LRRC4C: variants seen among roughly 807,000 people sequenced by gnomAD.
LRRC4C encodes leucine-rich repeat-containing protein 4C.
LRRC4C carries 5 observed loss-of-function variants against 33.6 expected under a neutral mutation model. The ratio of observed to expected loss-of-function variants is 0.15; its 90% CI spans 0.08 to 0.31. The LOEUF (loss-of-function observed/expected upper bound fraction) is 0.31. Among genes scored for constraint, LRRC4C ranks in the 10% least tolerant of loss-of-function variants. The pLI, the probability that LRRC4C is intolerant of heterozygous loss-of-function variation, is 1.00. For synonymous variants in LRRC4C, 329 were observed against 302.0 expected, an observed-to-expected ratio of 1.09 and a Z score of -0.93; for missense variants, 560 against 796.7, an observed-to-expected ratio of 0.70 and a Z score of 3.58.
intron 1 of LRRC4C, among the ~76,000 whole-genome samples, chr11:41,226,246 C>T (rs756655221): frequency 6.6e-5 from 10 of 151,908 alleles, no homozygotes; most frequent in Non-Finnish European, 1.3e-4. Flanking sequence ...ATTTGAAGTA[C>T]CAAACAATGA....
Position 41,259,871 on chromosome 11 carries a change from CTG to C in LRRC4C, c.-496+199558_-496+199559del, listed in dbSNP as rs58720169. On this transcript the variant is annotated intron_variant, in intron 1 of 6. Coordinates refer to ENST00000528697, the MANE Select transcript of LRRC4C (RefSeq NM_001258419.2). Reference sequence around the variant, plus strand: ...AAGAAAATATATGCATTTTAAAAGACTGTTAGTTAATTATAAGCCAATAGACC... The same window carrying C: ...AAGAAAATATATGCATTTTAAAAGACTTAGTTAATTATAAGCCAATAGACC... 3.9e-3 allele frequency among the ~76,000 whole-genome samples: 595 copies of C among 152,032 alleles called. 5 individuals are homozygous for C. Among genetic ancestry groups the C allele is most frequent in the African/African-American group, 0.013 (554 of 41,510 alleles).
Position 40,253,873 on chromosome 11 carries a change from A to G in LRRC4C, c.-175-12275T>C, listed in dbSNP as rs572188797. ...AGTTAATAGTTATAAAGTGCTTATCATACGTTATTACTTTGAGGTACTGCT... is the reference window on the plus strand; with the variant it reads ...AGTTAATAGTTATAAAGTGCTTATCGTACGTTATTACTTTGAGGTACTGCT... On this transcript the variant is annotated intron_variant, in intron 4 of 6. Transcript: ENST00000528697. Among the ~76,000 whole-genome samples the G allele has an allele frequency of 8.5e-5, 13 of 152,330 alleles. No homozygotes were observed. In the South Asian group the frequency reaches 2.5e-3, roughly 29 times the overall value.
chr11:40,467,731 C>A (rs1013905531), intron 3 of LRRC4C, among the ~76,000 whole-genome samples: 1 of 152,124 alleles, frequency 6.6e-6, no homozygotes, highest in African/African-American at 2.4e-5. Context: ...TAACAGAACC[C>A]TAACTGCCTA....
intron 3 of LRRC4C, among the ~76,000 whole-genome samples, chr11:40,355,064 T>C (rs1947595834): frequency 1.3e-5 from 2 of 152,088 alleles, no homozygotes; most frequent in African/African-American, 2.4e-5. Context: ...TGCTAAATCG[T>C]GCCAGGACTG....
intron 1 of LRRC4C, among the ~76,000 whole-genome samples, chr11:40,954,678 TG>T (rs1188307360): frequency 6.6e-6 from 1 of 151,886 alleles, no homozygotes; most frequent in African/African-American, 2.4e-5. Context: ...ATACAGGTCA[TG>T]TTATTGTGTG....
intron 1 of LRRC4C, among the ~76,000 whole-genome samples, chr11:41,004,580 A>C (rs1461521078): frequency 6.6e-6 from 1 of 152,218 alleles, no homozygotes; most frequent in Non-Finnish European, 1.5e-5. Flanking sequence ...CTTAGATGAT[A>C]TATTCTTCTA....
At chr11:40,934,127 C>T (rs895989004) in intron 1 of LRRC4C, among the ~76,000 whole-genome samples, 31 of 152,110 alleles carry the variant, frequency 2.0e-4, no homozygotes, top group African/African-American at 7.0e-4. Flanking sequence ...CCTTTTCATG[C>T]CTCTATACCA....
At chr11:40,955,666 G>C (rs777386370) in intron 1 of LRRC4C, among the ~76,000 whole-genome samples, 1 of 151,724 alleles carries the variant, frequency 6.6e-6, no homozygotes, top group African/African-American at 2.4e-5. Flanking sequence ...ACTTAAAACA[G>C]ATTGTCAATC....
chr11:40,244,554 C>T (rs544793073), intron 4 of LRRC4C, among the ~76,000 whole-genome samples: 1 of 152,268 alleles, frequency 6.6e-6, no homozygotes, highest in Admixed American at 6.5e-5. Flanking sequence ...TCTTCAAGCC[C>T]ACTAAATTTT....
intron 3 of LRRC4C, among the ~76,000 whole-genome samples, chr11:40,330,445 C>T (rs1052902324): frequency 3.3e-5 from 5 of 152,134 alleles, no homozygotes; most frequent in African/African-American, 1.2e-4. Flanking sequence ...CAACCTTGAA[C>T]ACTGATTATT....
chr11:40,142,279 A>C (rs1857424796), intron 5 of LRRC4C, among the ~76,000 whole-genome samples: 1 of 808 alleles, frequency 1.2e-3, no homozygotes, highest in East Asian at 0.071. Flanking sequence ...TTCTGTCTCA[A>C]AAAAAAAAAA....
chr11:40,338,307 A>G (rs1195605907), intron 3 of LRRC4C, among the ~76,000 whole-genome samples: 2 of 152,220 alleles, frequency 1.3e-5, no homozygotes, highest in Non-Finnish European at 2.9e-5. Context: ...CATTGAACTA[A>G]ATAAAATTAG....
At chr11:40,964,401 G>C (rs1280914407) in intron 1 of LRRC4C, among the ~76,000 whole-genome samples, 1 of 151,664 alleles carries the variant, frequency 6.6e-6, no homozygotes, top group Non-Finnish European at 1.5e-5. Context: ...TTAAGTTTTA[G>C]GCTACATGTG....
intron 1 of LRRC4C, among the ~76,000 whole-genome samples, chr11:41,039,281 A>T (rs1857276039): frequency 6.6e-6 from 1 of 152,134 alleles, no homozygotes; most frequent in Non-Finnish European, 1.5e-5. Context: ...TTTCATTTCT[A>T]AAAATTGTTT....
chr11:40,687,212 A>T (rs1360392998), intron 2 of LRRC4C, among the ~76,000 whole-genome samples: 2 of 152,126 alleles, frequency 1.3e-5, no homozygotes, highest in African/African-American at 2.4e-5. Flanking sequence ...AAGTCACACA[A>T]CTGGCAAATA....
intron 1 of LRRC4C, among the ~76,000 whole-genome samples, chr11:41,399,973 C>CA (rs1953964217): frequency 1.3e-5 from 2 of 151,864 alleles, no homozygotes; most frequent in Admixed American, 6.6e-5. Context: ...TAAGCTAACC[C>CA]AAAAGTAAAA....
At chr11:40,829,591 T>C (rs1026121723) in intron 2 of LRRC4C, among the ~76,000 whole-genome samples, 4 of 152,062 alleles carry the variant, frequency 2.6e-5, no homozygotes, top group African/African-American at 9.7e-5. Flanking sequence ...TTAAAGGCTA[T>C]TCATTTTGCC....
chr11:40,139,435 A>C (rs2134949590), intron 6 of LRRC4C, among the ~76,000 whole-genome samples: 1 of 152,362 alleles, frequency 6.6e-6, no homozygotes, highest in Admixed American at 6.5e-5. Context: ...ATGGCAAAAT[A>C]AAAAGTTGAT....
chr11:40,752,905 G>A (rs1187049627), intron 2 of LRRC4C, among the ~76,000 whole-genome samples: 1 of 152,046 alleles, frequency 6.6e-6, no homozygotes, highest in African/African-American at 2.4e-5. Context: ...TAAAGAAAAT[G>A]TGGTAGGTAT....
Sources: allele counts gnomAD v4.1 joint callset (sites outside exome capture counted in the v4.1 genomes callset), GRCh38; gene constraint gnomAD v4.1.1; transcripts MANE v1.5; gene names NCBI Gene and HGNC (gene_info 2026-07-23, HGNC 2026-07-21).